B4GALT5: variants seen among roughly 807,000 people sequenced by gnomAD.
B4GALT5 encodes the protein beta-1,4-galactosyltransferase 5.
Under a neutral mutation model 45.0 loss-of-function variants are expected in B4GALT5, and 11 were observed. That is an observed-to-expected ratio of 0.24 (90% confidence interval 0.15 to 0.40). The LOEUF (loss-of-function observed/expected upper bound fraction) is 0.40, where lower values mean the gene tolerates loss of function less well. Among genes scored for constraint, B4GALT5 ranks in the 10% least tolerant of loss-of-function variants. B4GALT5 has a pLI of 1.00. For missense variants in B4GALT5, 337 were observed against 500.2 expected (o/e 0.67, Z 3.11); for synonymous variants, 185 against 182.9 (o/e 1.01, Z -0.09).
At chr20:49,642,609 GCA>G (rs745861805) in intron 4 of B4GALT5, 25 bp from the exon 5 acceptor site, 5 of 1,534,162 alleles carry the variant, frequency 3.3e-6, no homozygotes, top group South Asian at 2.3e-5. Flanking sequence ...AGCAAAAGAA[GCA>G]CAGTTAGGAC....
intron 1 of B4GALT5, among the ~76,000 whole-genome samples, chr20:49,702,763 G>A (rs1044730003): frequency 6.6e-6 from 1 of 152,040 alleles, no homozygotes; most frequent in African/African-American, 2.4e-5. Flanking sequence ...GCTGAGGTGA[G>A]AGAACTACTT....
chr20:49,640,735 AAGACG>A (rs1337057652), intron 5 of B4GALT5, 70 bp from the exon 6 acceptor site: 1 of 1,454,070 alleles, frequency 6.9e-7, no homozygotes, highest in African/African-American at 1.4e-5. Context: ...CCTGTGCCTA[AAGACG>A]AGTTTATTAG....
rs574825157 is a variant in B4GALT5 at position 49,636,159 on chromosome 20, G to A, written c.*153C>T. 2.8e-5 allele frequency: 28 copies of A among 1,005,138 alleles called. No homozygotes were observed. Among genetic ancestry groups the A allele is most frequent in the Non-Finnish European group, 3.6e-5 (25 of 690,860 alleles). 62.3% of individuals were successfully genotyped at this position (1,005,138 alleles called of 1,614,324 possible). On this transcript the variant is annotated 3_prime_UTR_variant, in exon 9 of 9. Coordinates refer to ENST00000371711, the MANE Select transcript of B4GALT5 (RefSeq NM_004776.4). Reference sequence around the variant, plus strand: ...TGATCCAGTGAAGGCGTTTGTGCGTGTGCTGTCACATTTTCCCCCTGAACT... The same window carrying A: ...TGATCCAGTGAAGGCGTTTGTGCGTATGCTGTCACATTTTCCCCCTGAACT...
intron 1 of B4GALT5, among the ~76,000 whole-genome samples, chr20:49,679,558 C>T (rs1317293076): frequency 1.3e-5 from 2 of 151,786 alleles, no homozygotes; most frequent in Non-Finnish European, 2.9e-5. Context: ...CACCTGTAGT[C>T]CCAGCTACTC....
intron 1 of B4GALT5, among the ~76,000 whole-genome samples, chr20:49,699,347 C>T (rs2085851879): frequency 7.1e-6 from 1 of 141,388 alleles, no homozygotes; most frequent in Admixed American, 7.3e-5. Context: ...GGTTAAAACC[C>T]ATCTTGAATC....
In B4GALT5 at chr20:49,633,113, T is replaced by C. The variant is rs1346929568; in HGVS notation, c.*3199A>G. 6.6e-6 allele frequency: 1 copy of C among 152,596 alleles called. No homozygotes were observed. Among genetic ancestry groups the C allele is most frequent in the East Asian group, 1.9e-4 (1 of 5,196 alleles). 9.5% of individuals were successfully genotyped at this position (152,596 alleles called of 1,614,324 possible). Reference sequence around the variant, plus strand: ...GCAAAAATGTACCCCTGGCACCTCTTAAAACGTAAGAGCAAGCTCAAAAAC... The same window carrying C: ...GCAAAAATGTACCCCTGGCACCTCTCAAAACGTAAGAGCAAGCTCAAAAAC... On this transcript the variant is annotated 3_prime_UTR_variant, in exon 9 of 9. Coordinates refer to ENST00000371711, the MANE Select transcript of B4GALT5 (RefSeq NM_004776.4).
chr20:49,704,719 AAAAAAAAAAC>A lies in B4GALT5; in HGVS notation c.115+8847_115+8856del, dbSNP rs1342455245. Among the ~76,000 whole-genome samples, 639 of 144,732 alleles carry A rather than the reference AAAAAAAAAAC, an allele frequency of 4.4e-3. 6 individuals are homozygous for A. The highest frequency in any genetic ancestry group is 0.016 in the African/African-American group (604 of 37,216). The allele number at this position is 144,732 out of a possible 152,430, so 94.9% of individuals were successfully genotyped here. ...GGGCGACAGAGCAAGACTCTGTCTCAAAAAAAAAACAAAAAAAAACAAAAAAAAACCACAA... is the reference window on the plus strand; with the variant it reads ...GGGCGACAGAGCAAGACTCTGTCTCAAAAAAAAAACAAAAAAAAACCACAA... On this transcript the variant is annotated intron_variant, in intron 1 of 8. Transcript: ENST00000371711.
chr20:49,707,598 T>C (rs1030088250), intron 1 of B4GALT5, among the ~76,000 whole-genome samples: 4 of 152,122 alleles, frequency 2.6e-5, no homozygotes, highest in Admixed American at 6.6e-5. Context: ...TATTTGATTA[T>C]ATAAAACATG....
intron 1 of B4GALT5, among the ~76,000 whole-genome samples, chr20:49,700,425 A>G (rs1053123555): frequency 6.6e-6 from 1 of 152,148 alleles, no homozygotes; most frequent in African/African-American, 2.4e-5. Context: ...GATCCCAAGT[A>G]GCTGGGGCTA....
In B4GALT5 at chr20:49,659,735, G is replaced by A. The variant is rs907930336; in HGVS notation, c.116-3033C>T. Reference sequence around the variant, plus strand: ...ACCTCCAAGAACACAGAGTCAACAGGGAAAATATGGCCATCAGCAAAGAAA... The same window carrying A: ...ACCTCCAAGAACACAGAGTCAACAGAGAAAATATGGCCATCAGCAAAGAAA... On this transcript the variant is annotated intron_variant, in intron 1 of 8. Transcript: ENST00000371711. Among the ~76,000 whole-genome samples, 8 of 152,122 alleles carry A rather than the reference G, an allele frequency of 5.3e-5. No homozygotes were observed. In the South Asian group the frequency reaches 1.5e-3, roughly 28 times the overall value.
In B4GALT5 at chr20:49,634,305, T is replaced by TAC. The variant is rs145820400; in HGVS notation, c.*2005_*2006dup. 2,236 of 151,362 alleles carry TAC rather than the reference T, an allele frequency of 0.015. 25 individuals carry two copies. The highest frequency in any genetic ancestry group is 0.02 in the Middle Eastern group (6 of 294). The allele number at this position is 151,362 out of a possible 1,614,324, so 9.4% of individuals were successfully genotyped here. A position where few individuals can be genotyped will look rare whatever the true frequency, so the allele number is the denominator to read the frequency against. ...CGAAAAAAGCCCTAACCCACACACATACACACACACACCCCTACACACACC... is the reference window on the plus strand; with the variant it reads ...CGAAAAAAGCCCTAACCCACACACATACACACACACACACCCCTACACACACC... On this transcript the variant is annotated 3_prime_UTR_variant, in exon 9 of 9. Coordinates refer to ENST00000371711, the MANE Select transcript of B4GALT5 (RefSeq NM_004776.4).
intron 4 of B4GALT5, 103 bp downstream of exon 4, chr20:49,643,423 G>T: frequency 6.9e-7 from 1 of 1,451,614 alleles, no homozygotes; most frequent in Non-Finnish European, 9.4e-7. Context: ...ATGGTAGGAT[G>T]AAAATGACAA....
chr20:49,687,591 C>A (rs1372935307), intron 1 of B4GALT5, among the ~76,000 whole-genome samples: 1 of 152,036 alleles, frequency 6.6e-6, no homozygotes, highest in Non-Finnish European at 1.5e-5. Context: ...TTGCAGTGAG[C>A]CAAGATTGCA....
chr20:49,662,281 C>T (rs2085668226), intron 1 of B4GALT5, among the ~76,000 whole-genome samples: 1 of 152,166 alleles, frequency 6.6e-6, no homozygotes, highest in Non-Finnish European at 1.5e-5. Context: ...AACACACACA[C>T]ACTCACACCC....
At chr20:49,712,817 G>A (rs370608376) in intron 1 of B4GALT5, among the ~76,000 whole-genome samples, 10 of 104,274 alleles carry the variant, frequency 9.6e-5, no homozygotes, top group African/African-American at 3.5e-4. Flanking sequence ...ACAAGGATGT[G>A]CCCTTGTGGG....
At chr20:49,677,865 C>G (rs1303115142) in intron 1 of B4GALT5, among the ~76,000 whole-genome samples, 8 of 152,332 alleles carry the variant, frequency 5.3e-5, no homozygotes, top group African/African-American at 1.9e-4. Context: ...CCTGCCTCAG[C>G]CTCCTGAGTA....
intron 1 of B4GALT5, among the ~76,000 whole-genome samples, chr20:49,677,733 C>A (rs1179109754): frequency 6.6e-6 from 1 of 151,918 alleles, no homozygotes; most frequent in Non-Finnish European, 1.5e-5. Flanking sequence ...GGTGAAATAT[C>A]TTTGATTGAT....
intron 1 of B4GALT5, among the ~76,000 whole-genome samples, chr20:49,663,690 A>AAAAAAAAAAAAAAATAT (rs1555812124): frequency 2.1e-5 from 2 of 96,946 alleles, no homozygotes; most frequent in African/African-American, 8.9e-5. Flanking sequence ...AAAAAAAAAA[A>AAAAAAAAAAAAAAATAT]ATATATACAT....
chr20:49,672,652 C>T (rs900252886), intron 1 of B4GALT5, among the ~76,000 whole-genome samples: 4 of 152,044 alleles, frequency 2.6e-5, no homozygotes, highest in Admixed American at 2.0e-4. Context: ...TCCACAGAAA[C>T]AGAAGGGCCA....
Sources: allele counts gnomAD v4.1 joint callset (sites outside exome capture counted in the v4.1 genomes callset), GRCh38; gene constraint gnomAD v4.1.1; transcripts MANE v1.5; gene names NCBI Gene and HGNC (gene_info 2026-07-23, HGNC 2026-07-21).